Variants in DMD observed in about 807,000 individuals in gnomAD.
DMD encodes mutant dystrophin.
In DMD, 63 loss-of-function variants were observed where a neutral mutation model predicts 330.1. The ratio of observed to expected loss-of-function variants is 0.19; its 90% CI spans 0.16 to 0.24. DMD has a LOEUF of 0.24. DMD is among the 10% of genes least tolerant of loss of function. The pLI is 1.00. For missense variants in DMD, 3,344 were observed against 2,684.1 expected, an observed-to-expected ratio of 1.25 and a Z score of -5.43; for synonymous variants, 1,223 against 959.8, an observed-to-expected ratio of 1.27 and a Z score of -5.07.
intron 25 of DMD, among the ~76,000 whole-genome samples, chrX:32,456,803 T>C (rs769897034): frequency 1.8e-5 from 2 of 108,670 alleles, no homozygotes; most frequent in Admixed American, 1.0e-4. Context: ...CCATTTGTAA[T>C]AACAGGCAAA....
intron 55 of DMD, among the ~76,000 whole-genome samples, chrX:31,596,566 T>C (rs1339483074): frequency 2.7e-5 from 3 of 111,691 alleles, no homozygotes; most frequent in Non-Finnish European, 3.8e-5. Flanking sequence ...CTTTAATTGA[T>C]AGAATTGGAC....
chrX:32,366,006 G>A (rs765210038), intron 34 of DMD, among the ~76,000 whole-genome samples: 5 of 111,977 alleles, frequency 4.5e-5, no homozygotes, highest in African/African-American at 1.6e-4. Flanking sequence ...TACAAATAAA[G>A]ATAAAGTTTT....
chrX:31,375,934 C>G (rs1281204931), intron 60 of DMD, among the ~76,000 whole-genome samples: 1 of 112,091 alleles, frequency 8.9e-6, no homozygotes, highest in East Asian at 2.8e-4. Context: ...ATTTTACCCA[C>G]AAGCAGGTAC....
At chrX:32,120,501 G>A (rs191471877) in intron 44 of DMD, among the ~76,000 whole-genome samples, 4 of 112,291 alleles carry the variant, frequency 3.6e-5, no homozygotes, top group African/African-American at 1.3e-4. Context: ...GATTCAGTAG[G>A]TTTGGGATGA....
At chrX:32,317,138 T>C (rs944663860) in intron 41 of DMD, among the ~76,000 whole-genome samples, 8 of 111,456 alleles carry the variant, frequency 7.2e-5, no homozygotes, top group African/African-American at 2.3e-4. Context: ...TATATCATTA[T>C]AGATACTCAT....
At chrX:33,147,950 A>G (rs1282482677) in intron 1 of DMD, among the ~76,000 whole-genome samples, 1 of 111,941 alleles carries the variant, frequency 8.9e-6, no homozygotes, top group Non-Finnish European at 1.9e-5. Context: ...GCAAAATTTG[A>G]AATATGTTCA....
At chrX:32,516,684 T>G (rs2045893159) in intron 18 of DMD, 1 of 111,751 alleles carries the variant, frequency 8.9e-6, no homozygotes, top group Non-Finnish European at 1.9e-5. Flanking sequence ...TGTAACATGA[T>G]GTTTGAAAAT....
rs75992629 is a variant in DMD at position 31,255,719 on chromosome X, C to T, written c.9286+5236G>A. On this transcript the variant is annotated intron_variant, in intron 63 of 78. Coordinates refer to ENST00000357033, the MANE Select transcript of DMD (RefSeq NM_004006.3). Reference sequence around the variant, plus strand: ...TAGAAACAGCCTGCCCCACCCTCAGCCCAAAGTAAAAGAAAAACAAAAATC... The same window carrying T: ...TAGAAACAGCCTGCCCCACCCTCAGTCCAAAGTAAAAGAAAAACAAAAATC... 8.8e-3 allele frequency among the ~76,000 whole-genome samples: 958 copies of T among 109,340 alleles called. 27 individuals carry two copies. The highest frequency in any genetic ancestry group is 0.072 in the Admixed American group (725 of 10,087). The allele number at this position is 109,340 out of a possible 115,157, so 94.9% of individuals were successfully genotyped here. A position where few individuals can be genotyped will look rare whatever the true frequency, so the allele number is the denominator to read the frequency against.
At chrX:31,891,760 A>C (rs2094255357) in intron 47 of DMD, among the ~76,000 whole-genome samples, 1 of 111,219 alleles carries the variant, frequency 9.0e-6, no homozygotes, top group South Asian at 3.8e-4. Flanking sequence ...CCGTTATAGA[A>C]AGTTTGCTGA....
intron 7 of DMD, among the ~76,000 whole-genome samples, chrX:32,805,456 G>T (rs1431601257): frequency 3.6e-5 from 4 of 111,606 alleles, no homozygotes; most frequent in African/African-American, 1.3e-4. Flanking sequence ...ACGAAATATG[G>T]GACTATGTGA....
chrX:32,563,617 T>C, intron 16 of DMD, among the ~76,000 whole-genome samples: 1 of 111,596 alleles, frequency 9.0e-6, no homozygotes, highest in Non-Finnish European at 1.9e-5. Flanking sequence ...GTCAATTGCC[T>C]AGGTGGTGGT....
intron 62 of DMD, among the ~76,000 whole-genome samples, chrX:31,309,558 G>T (rs776051358): frequency 1.8e-5 from 2 of 111,300 alleles, no homozygotes; most frequent in African/African-American, 6.5e-5. Flanking sequence ...CACAAATTGT[G>T]TAAGTATAAC....
chrX:32,987,066 C>T (rs1425437200), intron 2 of DMD, among the ~76,000 whole-genome samples: 2 of 112,341 alleles, frequency 1.8e-5, no homozygotes. Context: ...GAATGCAAGA[C>T]AATTTCAGAT....
intron 45 of DMD, among the ~76,000 whole-genome samples, chrX:31,951,814 T>C (rs184201474): frequency 1.4e-3 from 153 of 111,781 alleles, no homozygotes; most frequent in Admixed American, 2.8e-3. Flanking sequence ...CTTTATCTCT[T>C]CATTTGGGTT....
At chrX:33,068,921 G>A (rs1184062758) in intron 1 of DMD, among the ~76,000 whole-genome samples, 2 of 112,045 alleles carry the variant, frequency 1.8e-5, no homozygotes, top group Admixed American at 9.5e-5. Context: ...TTACAAGTGT[G>A]TAATTCAACC....
At chrX:33,296,788 G>T (rs1286802365) in intron 1 of DMD, among the ~76,000 whole-genome samples, 2 of 111,203 alleles carry the variant, frequency 1.8e-5, no homozygotes, top group Admixed American at 9.6e-5. Flanking sequence ...ACAAAAAATA[G>T]TTTTAGTACC....
chrX:33,260,491 G>A (rs189968418), intron 1 of DMD, among the ~76,000 whole-genome samples: 4 of 110,674 alleles, frequency 3.6e-5, no homozygotes, highest in African/African-American at 9.8e-5. Context: ...ATTAAAATTA[G>A]CGAAGACAAG....
chrX:31,651,819 C>G (rs1334737329), intron 54 of DMD, among the ~76,000 whole-genome samples: 1 of 111,824 alleles, frequency 8.9e-6, no homozygotes, highest in African/African-American at 3.2e-5. Context: ...CCACAGTCAT[C>G]TCTTGACTGA....
At chrX:32,469,578 G>GT (rs1485889329) in intron 22 of DMD, among the ~76,000 whole-genome samples, 1 of 110,179 alleles carries the variant, frequency 9.1e-6, no homozygotes, top group East Asian at 2.9e-4. Context: ...TACTTAATTT[G>GT]TTTTTTTACT....
Sources: gnomAD v4.1 joint callset for allele counts (sites outside exome capture counted in the v4.1 genomes callset) on GRCh38, gnomAD v4.1.1 for gene constraint, MANE v1.5 for transcripts, NCBI Gene and HGNC (gene_info 2026-07-23, HGNC 2026-07-21) for gene names.